The following EVI5 variants were observed in gnomAD, a reference collection of about 807,000 sequenced individuals.
EVI5 encodes the protein ecotropic viral integration site 5 protein homolog.
In EVI5, 73 loss-of-function variants were observed where a neutral mutation model predicts 112.0. The observed-to-expected ratio is 0.65, with a 90% CI of 0.54 to 0.79. The LOEUF is 0.79. EVI5 is among the 30% of genes least tolerant of loss of function. The pLI is 0.00. For missense variants in EVI5, 900 were observed against 968.8 expected (o/e 0.93, Z 0.94); for synonymous variants, 305 against 319.9 (o/e 0.95, Z 0.50).
intron 13 of EVI5, among the ~76,000 whole-genome samples, chr1:92,650,126 T>C (rs995916143): frequency 2.6e-5 from 4 of 152,218 alleles, no homozygotes; most frequent in Admixed American, 2.6e-4. Flanking sequence ...CCTCCAACTT[T>C]GTTCTTTTTT....
chr1:92,762,218 T>C (rs1275306620), intron 1 of EVI5, among the ~76,000 whole-genome samples: 1 of 152,246 alleles, frequency 6.6e-6, no homozygotes, highest in Non-Finnish European at 1.5e-5. Flanking sequence ...TGTAGGCATA[T>C]AACATATTTC....
In EVI5 at chr1:92,714,223, T is replaced by C. The variant is rs907735448; in HGVS notation, c.150-9479A>G. ...AAAAGTAATAGCCGCAGTAAAACTA[T>C]GAAAAGAAAAAAGTTTCTTCATAGA... On this transcript the variant is annotated intron_variant, in intron 2 of 19. Transcript: ENST00000684568. The C allele has an allele frequency of 2.1e-5, 15 of 723,396 alleles. No individual in the cohort carries two copies. In the African/African-American group the frequency reaches 2.5e-4, roughly 12 times the overall value. The allele number at this position is 723,396 out of a possible 1,614,324, so 44.8% of individuals were successfully genotyped here. A position where few individuals can be genotyped will look rare whatever the true frequency, so the allele number is the denominator to read the frequency against.
intron 1 of EVI5, among the ~76,000 whole-genome samples, chr1:92,783,501 AAAAAAAGAAAAG>A (rs1427598242): frequency 1.6e-5 from 2 of 128,992 alleles, no homozygotes; most frequent in Admixed American, 7.6e-5. Flanking sequence ...AAAAAAAAAA[AAAAAAAGAAAAG>A]AAAAGAAAAG....
chr1:92,515,552 C>A (rs1340723271), intron 19 of EVI5, among the ~76,000 whole-genome samples: 1 of 152,092 alleles, frequency 6.6e-6, no homozygotes, highest in African/African-American at 2.4e-5. Flanking sequence ...AAAACCAAAA[C>A]CAAAAACAAG....
Position 92,510,108 on chromosome 1 carries a change from T to C in EVI5, c.*3548A>G, listed in dbSNP as rs570389339. The C allele has an allele frequency of 3.3e-5, 5 of 152,368 alleles. No homozygotes were observed. In the East Asian group the frequency reaches 9.6e-4, roughly 29 times the overall value. 9.4% of individuals were successfully genotyped at this position (152,368 alleles called of 1,614,324 possible). ...TCTTCAAAGAAAAGAGTGTTATTTC[T>C]AGTTTTTTGTTGTCCAAATTACAAG... On this transcript the variant is annotated 3_prime_UTR_variant, in exon 20 of 20. Coordinates refer to ENST00000684568, the MANE Select transcript of EVI5 (RefSeq NM_001350197.2).
intron 1 of EVI5, among the ~76,000 whole-genome samples, chr1:92,774,784 T>C (rs1355453563): frequency 6.6e-6 from 1 of 152,184 alleles, no homozygotes; most frequent in Non-Finnish European, 1.5e-5. Flanking sequence ...TAAACCCACA[T>C]TGGTTTTGGC....
intron 9 of EVI5, among the ~76,000 whole-genome samples, chr1:92,693,100 C>T (rs1469541699): frequency 6.6e-6 from 1 of 152,034 alleles, no homozygotes; most frequent in African/African-American, 2.4e-5. Flanking sequence ...ACCTGTAATC[C>T]CAACATTTTA....
intron 18 of EVI5, among the ~76,000 whole-genome samples, chr1:92,570,470 A>AT (rs753793673): frequency 6.6e-6 from 1 of 152,190 alleles, no homozygotes; most frequent in Non-Finnish European, 1.5e-5. Flanking sequence ...ACTTGGAGAA[A>AT]AGTATCTTTG....
chr1:92,566,475 G>A (rs1360618830), intron 18 of EVI5, among the ~76,000 whole-genome samples: 1 of 152,166 alleles, frequency 6.6e-6, no homozygotes, highest in African/African-American at 2.4e-5. Context: ...GCTGCCAGTT[G>A]TATAAATGTA....
intron 9 of EVI5, among the ~76,000 whole-genome samples, chr1:92,678,016 A>G (rs80173044): frequency 0.064 from 9,681 of 152,206 alleles, 533 homozygotes; most frequent in Non-Finnish European, 0.09. Context: ...ACTCATGGAC[A>G]TAAAGATGGG....
chr1:92,561,595 C>G (rs1557789688), intron 19 of EVI5, among the ~76,000 whole-genome samples: 1 of 148,864 alleles, frequency 6.7e-6, no homozygotes, highest in Non-Finnish European at 1.5e-5. Flanking sequence ...ATCTATCTAT[C>G]TATCTAATCT....
At chr1:92,692,336 T>C (rs1669617893) in intron 9 of EVI5, among the ~76,000 whole-genome samples, 1 of 152,256 alleles carries the variant, frequency 6.6e-6, no homozygotes, top group Non-Finnish European at 1.5e-5. Flanking sequence ...TCTGCCTGGC[T>C]AGTGTGAGTT....
intron 14 of EVI5, among the ~76,000 whole-genome samples, chr1:92,634,450 CT>C (rs1316295531): frequency 6.6e-6 from 1 of 152,176 alleles, no homozygotes; most frequent in East Asian, 1.9e-4. Context: ...CGCTGATACC[CT>C]TTCTTCCACT....
intron 13 of EVI5, among the ~76,000 whole-genome samples, chr1:92,646,794 G>C (rs1030679238): frequency 6.6e-6 from 1 of 152,130 alleles, no homozygotes; most frequent in Non-Finnish European, 1.5e-5. Flanking sequence ...TTATCTTTTC[G>C]TTTTGGGGAT....
chr1:92,516,166 T>C (rs954318126), intron 19 of EVI5, among the ~76,000 whole-genome samples: 1 of 152,202 alleles, frequency 6.6e-6, no homozygotes, highest in Non-Finnish European at 1.5e-5. Flanking sequence ...ATTAAGTCAG[T>C]TAATCTCTTC....
rs1226284710 is a variant in EVI5 at position 92,669,469 on chromosome 1, A to T, written c.1159-3477T>A. On this transcript the variant is annotated intron_variant, in intron 10 of 19. Coordinates refer to ENST00000684568, the MANE Select transcript of EVI5 (RefSeq NM_001350197.2). ...AGGCTGAGGCAGGAGAATCACTTGA[A>T]TCCAGGAGGTGAAGGTTGCAGTGAG... 2.1e-5 allele frequency among the ~76,000 whole-genome samples: 3 copies of T among 143,542 alleles called. No individual in the cohort carries two copies. The East Asian group carries it at 6.8e-4, about 32-fold the overall frequency. The allele number at this position is 143,542 out of a possible 152,430, so 94.2% of individuals were successfully genotyped here.
chr1:92,598,589 A>C (rs561752573), intron 18 of EVI5, among the ~76,000 whole-genome samples: 30 of 152,276 alleles, frequency 2.0e-4, no homozygotes, highest in Middle Eastern at 3.4e-3. Flanking sequence ...AATTGTCAAA[A>C]AATATTTAAA....
intron 14 of EVI5, among the ~76,000 whole-genome samples, chr1:92,633,820 A>G (rs4587467): frequency 6.6e-6 from 1 of 152,164 alleles, no homozygotes; most frequent in African/African-American, 2.4e-5. Context: ...GGCTGGTACC[A>G]GCTGTTCCTT....
At chr1:92,577,757 T>C (rs1460966303) in intron 18 of EVI5, among the ~76,000 whole-genome samples, 3 of 152,334 alleles carry the variant, frequency 2.0e-5, no homozygotes, top group Non-Finnish European at 2.9e-5. Flanking sequence ...TTAAGCTTCA[T>C]TTTGCTCATG....
Sources: gnomAD v4.1 joint callset for allele counts (sites outside exome capture counted in the v4.1 genomes callset) on GRCh38, gnomAD v4.1.1 for gene constraint, MANE v1.5 for transcripts, NCBI Gene and HGNC (gene_info 2026-07-23, HGNC 2026-07-21) for gene names.